REPS2: variants seen among roughly 807,000 people sequenced by gnomAD.
REPS2 encodes ralBP1-associated Eps domain-containing protein 2.
In REPS2, 23 loss-of-function variants were observed where a neutral mutation model predicts 53.6. That is an observed-to-expected ratio of 0.43 (90% CI 0.31 to 0.61). REPS2 has a LOEUF of 0.61. REPS2 is among the 20% of genes least tolerant of loss of function. The pLI is 0.11. For missense variants in REPS2, 446 were observed against 534.9 expected (o/e 0.83, Z 1.64); for synonymous variants, 238 against 218.6 (o/e 1.09, Z -0.78).
chrX:17,081,701 C>T (rs904779019), intron 13 of REPS2, among the ~76,000 whole-genome samples: 5 of 111,881 alleles, frequency 4.5e-5, no homozygotes, highest in East Asian at 2.8e-4. Context: ...TAAGGAGAAG[C>T]GGATACACTA....
intron 1 of REPS2, among the ~76,000 whole-genome samples, chrX:16,957,540 G>A (rs1233038841): frequency 1.8e-5 from 2 of 111,834 alleles, no homozygotes; most frequent in Non-Finnish European, 3.8e-5. Flanking sequence ...TCAGCCTTGT[G>A]AAAAACAGAT....
chrX:17,132,237 C>T (rs541365579), intron 14 of REPS2, among the ~76,000 whole-genome samples: 2 of 112,385 alleles, frequency 1.8e-5, no homozygotes, highest in East Asian at 2.8e-4. Flanking sequence ...AAACAGAGCA[C>T]GTGTCTTTCA....
chrX:17,138,129 G>A (rs374716565), intron 16 of REPS2: 2 of 112,483 alleles, frequency 1.8e-5, no homozygotes, highest in East Asian at 2.8e-4. Flanking sequence ...AACCATGGAC[G>A]GTTTTGAAAA....
intron 9 of REPS2, among the ~76,000 whole-genome samples, chrX:17,063,719 T>A (rs1290839875): frequency 9.0e-6 from 1 of 111,636 alleles, no homozygotes; most frequent in African/African-American, 3.3e-5. Context: ...CCACTTTTCA[T>A]GGCCCTCAGT....
At chrX:16,988,192 G>A (rs2061115321) in intron 1 of REPS2, among the ~76,000 whole-genome samples, 1 of 111,458 alleles carries the variant, frequency 9.0e-6, no homozygotes, top group African/African-American at 3.3e-5. Context: ...TGAGGTGGGA[G>A]GATCACTTGG....
downstream of REPS2, among the ~76,000 whole-genome samples, chrX:17,156,805 G>T (rs1174264478): frequency 1.8e-5 from 2 of 111,852 alleles, no homozygotes; most frequent in Non-Finnish European, 3.8e-5. Context: ...GAATTGTGTT[G>T]CAGGTCCTTT....
At chrX:16,988,362 G>C (rs2061117668) in intron 1 of REPS2, among the ~76,000 whole-genome samples, 1 of 112,062 alleles carries the variant, frequency 8.9e-6, no homozygotes, top group South Asian at 3.7e-4. Flanking sequence ...ACAGTCTACA[G>C]AATAACTCCT....
At chrX:17,112,740 A>G (rs1466684529) in intron 14 of REPS2, among the ~76,000 whole-genome samples, 1 of 111,058 alleles carries the variant, frequency 9.0e-6, no homozygotes, top group African/African-American at 3.3e-5. Flanking sequence ...AGCTATAAAC[A>G]CTTAACATTA....
chrX:17,177,425 A>G, the REPS2 span, among the ~76,000 whole-genome samples: 2 of 111,851 alleles, frequency 1.8e-5, no homozygotes, highest in East Asian at 5.6e-4. Flanking sequence ...ACCTATTTGC[A>G]TTTTAGTGGG....
intron 3 of REPS2, 46 bp from the exon 4 acceptor site, chrX:17,025,013 C>G (rs755538849): frequency 8.3e-7 from 1 of 1,210,969 alleles, no homozygotes; most frequent in Admixed American, 2.2e-5. Flanking sequence ...GCTCAGAACG[C>G]CAGGCTTGAG....
At chrX:17,170,262 G>C in the REPS2 span, among the ~76,000 whole-genome samples, 2 of 112,256 alleles carry the variant, frequency 1.8e-5, no homozygotes, top group Admixed American at 1.9e-4. Flanking sequence ...GTACTAAGAA[G>C]ACAATGCCCT....
chrX:17,112,510 A>T (rs1008185777), intron 14 of REPS2, among the ~76,000 whole-genome samples: 2 of 112,194 alleles, frequency 1.8e-5, no homozygotes, highest in African/African-American at 6.5e-5. Flanking sequence ...CAAAAGATTG[A>T]AATTATATTA....
chrX:17,139,747 C>T (rs1301346462), intron 17 of REPS2, among the ~76,000 whole-genome samples: 2 of 111,029 alleles, frequency 1.8e-5, no homozygotes, highest in African/African-American at 3.3e-5. Flanking sequence ...AGCTGCGTCA[C>T]TCCAATCTCT....
chrX:16,989,545 A>C (rs1363030576), intron 1 of REPS2, among the ~76,000 whole-genome samples: 1 of 112,179 alleles, frequency 8.9e-6, no homozygotes, highest in African/African-American at 3.2e-5. Context: ...GTATCCGACA[A>C]AGGACTGGCA....
intron 1 of REPS2, among the ~76,000 whole-genome samples, chrX:17,001,346 G>T (rs1327314523): frequency 8.9e-6 from 1 of 112,535 alleles, no homozygotes; most frequent in Non-Finnish European, 1.9e-5. Context: ...TTCTGACATT[G>T]TGTGCCCCTC....
intron 1 of REPS2, among the ~76,000 whole-genome samples, chrX:16,966,878 G>T (rs748157353): frequency 8.9e-6 from 1 of 112,317 alleles, no homozygotes; most frequent in Non-Finnish European, 1.9e-5. Context: ...ATTTATTCCT[G>T]TAAACATTCT....
At chrX:17,166,122 G>A in the REPS2 span, among the ~76,000 whole-genome samples, 4 of 111,032 alleles carry the variant, frequency 3.6e-5, no homozygotes, top group African/African-American at 3.3e-5. Flanking sequence ...TGATTCTCTC[G>A]CCGCTGACCT....
At chrX:16,959,406 A>C (rs962876802) in intron 1 of REPS2, among the ~76,000 whole-genome samples, 1 of 112,006 alleles carries the variant, frequency 8.9e-6, no homozygotes, top group Non-Finnish European at 1.9e-5. Flanking sequence ...CTGTTTGTAT[A>C]CTTTTTGGTC....
chrX:17,091,355 C>A (rs1374423587), intron 13 of REPS2, among the ~76,000 whole-genome samples: 2 of 111,631 alleles, frequency 1.8e-5, no homozygotes, highest in East Asian at 5.6e-4. Flanking sequence ...CTCTGTCTAG[C>A]TGTTTATCCT....
Sources: gnomAD v4.1 joint callset for allele counts (sites outside exome capture counted in the v4.1 genomes callset) on GRCh38, gnomAD v4.1.1 for gene constraint, MANE v1.5 for transcripts, NCBI Gene and HGNC (gene_info 2026-07-23, HGNC 2026-07-21) for gene names.